Variants in IL1RAP observed in about 807,000 individuals in gnomAD.
IL1RAP encodes interleukin 1 receptor accessory protein.
In IL1RAP, 35 loss-of-function variants were observed where a neutral mutation model predicts 60.7. The observed-to-expected ratio is 0.58, with a 90% CI of 0.44 to 0.76. The LOEUF (loss-of-function observed/expected upper bound fraction) is 0.76, where lower values mean the gene tolerates loss of function less well. Ranked by LOEUF, IL1RAP falls within the 30% of genes least tolerant of loss-of-function variation. The pLI, the probability that IL1RAP is intolerant of heterozygous loss-of-function variation, is 0.00. For missense variants in IL1RAP, 572 were observed against 693.9 expected (o/e 0.82, Z 1.97); for synonymous variants, 268 against 250.9 (o/e 1.07, Z -0.64).
intron 1 of IL1RAP, chr3:190,520,624 G>T (rs572233727): frequency 5.9e-5 from 9 of 152,156 alleles, no homozygotes; most frequent in Non-Finnish European, 1.3e-4. Flanking sequence ...GTGGGCAGCT[G>T]CAATGAGCTT....
exon 12 of IL1RAP, chr3:190,657,421 A>G (rs1734651160): frequency 6.6e-6 from 1 of 152,262 alleles, no homozygotes; most frequent in South Asian, 2.1e-4. Flanking sequence ...GAAGTTTACA[A>G]CAATCTCATA....
At chr3:190,566,446 T>C (rs1726408093) in intron 3 of IL1RAP, among the ~76,000 whole-genome samples, 1 of 152,100 alleles carries the variant, frequency 6.6e-6, no homozygotes, top group Admixed American at 6.6e-5. Flanking sequence ...GTCCTGACCA[T>C]GTTACTTTTC....
intron 3 of IL1RAP, among the ~76,000 whole-genome samples, chr3:190,593,622 A>T (rs1306500799): frequency 6.6e-6 from 1 of 152,100 alleles, no homozygotes; most frequent in African/African-American, 2.4e-5. Flanking sequence ...CAGGCAAGAG[A>T]GACTGTGTGC....
chr3:190,638,705 G>A (rs545523772), intron 9 of IL1RAP, among the ~76,000 whole-genome samples: 5 of 152,082 alleles, frequency 3.3e-5, no homozygotes, highest in Non-Finnish European at 7.4e-5. Context: ...GTTCACCTTT[G>A]TTTAGGCCTA....
chr3:190,656,764 C>A, exon 12 of IL1RAP: 1 of 556,594 alleles, frequency 1.8e-6, no homozygotes, highest in Admixed American at 3.5e-5. Context: ...AGACAAAAGA[C>A]CTGAAGGACC....
intron 6 of IL1RAP, among the ~76,000 whole-genome samples, chr3:190,622,379 C>T (rs1731852889): frequency 1.3e-5 from 2 of 152,158 alleles, no homozygotes; most frequent in South Asian, 4.1e-4. Flanking sequence ...ACATTAACTG[C>T]ATGTCCTAAA....
chr3:190,549,654 T>A (rs1301861124), intron 1 of IL1RAP, among the ~76,000 whole-genome samples: 1 of 152,212 alleles, frequency 6.6e-6, no homozygotes, highest in African/African-American at 2.4e-5. Flanking sequence ...GCCTGATTGG[T>A]AAAACAACTT....
chr3:190,596,022 C>T (rs1280873960), intron 3 of IL1RAP, among the ~76,000 whole-genome samples: 2 of 152,194 alleles, frequency 1.3e-5, no homozygotes, highest in Admixed American at 6.5e-5. Context: ...GCAGGGTGTA[C>T]ATGCAGAGAC....
chr3:190,566,796 G>A (rs1046902560), intron 3 of IL1RAP, among the ~76,000 whole-genome samples: 1 of 152,110 alleles, frequency 6.6e-6, no homozygotes, highest in Admixed American at 6.5e-5. Flanking sequence ...GGCTAGTGGG[G>A]GAAGAAAGAA....
chr3:190,567,137 A>G (rs1052515837), intron 3 of IL1RAP, among the ~76,000 whole-genome samples: 1 of 152,236 alleles, frequency 6.6e-6, no homozygotes, highest in Non-Finnish European at 1.5e-5. Flanking sequence ...TTTCACACGC[A>G]GTGAACTGGC....
At chr3:190,604,958 C>G (rs1730176266) in intron 4 of IL1RAP, among the ~76,000 whole-genome samples, 2 of 152,146 alleles carry the variant, frequency 1.3e-5, no homozygotes, top group African/African-American at 4.8e-5. Flanking sequence ...TCATTTCTGT[C>G]AGACACTGCA....
At chr3:190,658,054 TA>T (rs758662439) in exon 12 of IL1RAP, 2,767 of 135,868 alleles carry the variant, frequency 0.02, 43 homozygotes, top group African/African-American at 0.046. Flanking sequence ...GACTCCATCT[TA>T]AAAAAAAAAA....
At chr3:190,592,144 C>T (rs1276769890) in intron 3 of IL1RAP, among the ~76,000 whole-genome samples, 1 of 152,198 alleles carries the variant, frequency 6.6e-6, no homozygotes, top group Non-Finnish European at 1.5e-5. Flanking sequence ...CTCAGCTTCC[C>T]AAGTAGCTGG....
intron 9 of IL1RAP, among the ~76,000 whole-genome samples, chr3:190,636,816 A>G (rs1733259438): frequency 6.6e-6 from 1 of 152,008 alleles, no homozygotes; most frequent in Non-Finnish European, 1.5e-5. Flanking sequence ...TATTAATATG[A>G]CTGCCTTTAA....
chr3:190,643,708 G>A (rs9831803), intron 9 of IL1RAP, among the ~76,000 whole-genome samples: 2 of 151,942 alleles, frequency 1.3e-5, no homozygotes, highest in African/African-American at 2.4e-5. Context: ...TTTTGAGGCC[G>A]ATTTCCAAGT....
chr3:190,646,452 A>C (rs1734022725), intron 11 of IL1RAP, among the ~76,000 whole-genome samples: 1 of 151,964 alleles, frequency 6.6e-6, no homozygotes, highest in South Asian at 2.1e-4. Context: ...CAGCTTATAC[A>C]TTTGAGGGTT....
At chr3:190,656,147 A>C (rs1231444440), downstream of IL1RAP, 2 of 1,537,158 alleles carry the variant, frequency 1.3e-6, no homozygotes. Flanking sequence ...TCTGGCTCTA[A>C]ATTCTGGAAA....
At chr3:190,615,430 T>A (rs970326028) in intron 5 of IL1RAP, 53 of 506,412 alleles carry the variant, frequency 1.0e-4, no homozygotes, top group Admixed American at 2.1e-4. Flanking sequence ...ATCCTAACTT[T>A]CATATTACTG....
intron 1 of IL1RAP, chr3:190,550,370 T>C (rs1019708015): frequency 6.6e-6 from 1 of 152,184 alleles, no homozygotes; most frequent in African/African-American, 2.4e-5. Flanking sequence ...GAAATTGAGT[T>C]TGGGACAATA....
Sources: allele counts gnomAD v4.1 joint callset (sites outside exome capture counted in the v4.1 genomes callset), GRCh38; gene constraint gnomAD v4.1.1; transcripts MANE v1.5; gene names NCBI Gene and HGNC (gene_info 2026-07-23, HGNC 2026-07-21).